The following VWA3B variants were observed in gnomAD, a reference collection of about 807,000 sequenced individuals.
VWA3B encodes von Willebrand factor A domain-containing protein 3B.
Under a neutral mutation model 158.3 loss-of-function variants are expected in VWA3B, and 138 were observed. That is an observed-to-expected ratio of 0.87 (90% confidence interval 0.76 to 1.00). The LOEUF is 1.00. Among genes scored for constraint, VWA3B ranks in the 50% least tolerant of loss-of-function variants. VWA3B has a pLI of 0.00. For missense variants in VWA3B, 1,555 were observed against 1,565.1 expected (o/e 0.99, Z 0.11); for synonymous variants, 596 against 587.3 (o/e 1.01, Z -0.21).
At chr2:98,318,777 G>A in the VWA3B span, among the ~76,000 whole-genome samples, 1 of 152,028 alleles carries the variant, frequency 6.6e-6, no homozygotes, top group Non-Finnish European at 1.5e-5. Flanking sequence ...AATGGACTAG[G>A]TGTCCAAAAA....
chr2:98,255,174 C>T (rs1247193650), intron 20 of VWA3B, among the ~76,000 whole-genome samples: 6 of 128,238 alleles, frequency 4.7e-5, no homozygotes, highest in African/African-American at 1.3e-4. Context: ...CCACCACGCC[C>T]GGCTGATATT....
chr2:98,225,569 C>A (rs1366295885), intron 14 of VWA3B, among the ~76,000 whole-genome samples: 1 of 152,038 alleles, frequency 6.6e-6, no homozygotes, highest in Non-Finnish European at 1.5e-5. Context: ...CGCTGTGATT[C>A]AACATACTAC....
At chr2:98,181,234 G>A (rs745460137) in intron 9 of VWA3B, 22 bp downstream of exon 9, 3 of 1,609,214 alleles carry the variant, frequency 1.9e-6, no homozygotes, top group South Asian at 2.2e-5. Flanking sequence ...GCACTCCTGG[G>A]AGGGGCTGGG....
At chr2:98,303,665 G>C (rs749573664) in intron 25 of VWA3B, 37 bp from the exon 26 acceptor site, 1 of 1,584,194 alleles carries the variant, frequency 6.3e-7, no homozygotes, top group Non-Finnish European at 8.7e-7. Flanking sequence ...GGACATTTCT[G>C]ATTTAAGTTG....
chr2:98,119,765 T>C lies in VWA3B; in HGVS notation c.542+2T>C. 6.2e-7 allele frequency: 1 copy of C among 1,613,014 alleles called. No homozygotes were observed. Among genetic ancestry groups the C allele is most frequent in the Non-Finnish European group, 8.5e-7 (1 of 1,179,176 alleles). ...CATAACCGAGTTCAATATCATACGG[T>C]GAGTTCCCATAGGAAGGGAGTATTT... On this transcript the variant is annotated splice_donor_variant, in intron 4 of 27. Transcript: ENST00000477737. LOFTEE classifies it high-confidence loss of function.
chr2:98,223,973 C>T (rs1684714037), intron 14 of VWA3B, among the ~76,000 whole-genome samples: 1 of 152,202 alleles, frequency 6.6e-6, no homozygotes, highest in South Asian at 2.1e-4. Context: ...AGCAGTCCTC[C>T]TGCCTCAGCC....
chr2:98,256,057 G>T (rs1349586431), intron 20 of VWA3B, 67 bp from the exon 21 acceptor site: 12 of 1,583,600 alleles, frequency 7.6e-6, no homozygotes, highest in Non-Finnish European at 9.5e-6. Flanking sequence ...GCGGTGCCTG[G>T]GGTTAACCTT....
At chr2:98,213,315 A>G (rs1458497672) in intron 13 of VWA3B, among the ~76,000 whole-genome samples, 1 of 152,200 alleles carries the variant, frequency 6.6e-6, no homozygotes, top group Non-Finnish European at 1.5e-5. Context: ...CACCACAGAG[A>G]GGAACTCTCG....
intron 21 of VWA3B, among the ~76,000 whole-genome samples, chr2:98,256,919 A>G (rs1229413267): frequency 6.6e-6 from 1 of 152,186 alleles, no homozygotes; most frequent in African/African-American, 2.4e-5. Context: ...CTATCACCTC[A>G]AACATTTATT....
At chr2:98,179,522 G>A (rs556472633) in intron 8 of VWA3B, among the ~76,000 whole-genome samples, 7 of 152,154 alleles carry the variant, frequency 4.6e-5, no homozygotes, top group Non-Finnish European at 1.0e-4. Flanking sequence ...ACTCACCAAG[G>A]TAACAAAGGG....
At chr2:98,179,808 TTC>T (rs1491059739) in intron 8 of VWA3B, among the ~76,000 whole-genome samples, 137 of 142,764 alleles carry the variant, frequency 9.6e-4, no homozygotes, top group African/African-American at 3.3e-3. Flanking sequence ...CTTTCTTTCT[TTC>T]TTTCTTTCTT....
intron 14 of VWA3B, among the ~76,000 whole-genome samples, chr2:98,223,920 G>T (rs1006353399): frequency 6.6e-6 from 1 of 151,956 alleles, no homozygotes; most frequent in Non-Finnish European, 1.5e-5. Flanking sequence ...TAGAGATAGG[G>T]TCACACTATG....
chr2:98,123,759 C>A (rs989642590), intron 5 of VWA3B, among the ~76,000 whole-genome samples: 14 of 152,110 alleles, frequency 9.2e-5, no homozygotes, highest in African/African-American at 3.1e-4. Context: ...CTTCAGTAGC[C>A]CTGGTCCAGG....
rs56961652 is a variant in VWA3B, at chr2:98,168,409, A to AC, written c.1114+5433_1114+5434insC. ...CACACACACACACACACACACACACAAACTAAAACCCAAAATAACTCTAAG... is the reference window on the plus strand; with the variant it reads ...CACACACACACACACACACACACACACAACTAAAACCCAAAATAACTCTAAG... On this transcript the variant is annotated intron_variant, in intron 8 of 27. Transcript: ENST00000477737. 2.0e-5 allele frequency among the ~76,000 whole-genome samples: 3 copies of AC among 151,502 alleles called. No individual in the cohort carries two copies. In the East Asian group the frequency reaches 5.8e-4, roughly 29 times the overall value.
In VWA3B at chr2:98,312,042, A is replaced by AT; in HGVS notation, c.3735+11dup. The AT allele has an allele frequency of 1.9e-6, 3 of 1,592,084 alleles. No individual in the cohort carries two copies. The highest frequency in any genetic ancestry group is 1.7e-6 in the Non-Finnish European group (2 of 1,168,862). ...ACACCCCGAGCCCAGGGTTTGGGTG[A>AT]TGGGGGGGGAACACAACATCGCTTA... On this transcript the variant is annotated intron_variant, in intron 27 of 27. Coordinates refer to ENST00000477737, the MANE Select transcript of VWA3B (RefSeq NM_144992.5).
intron 11 of VWA3B, among the ~76,000 whole-genome samples, chr2:98,193,750 C>T (rs559796835): frequency 1.5e-4 from 23 of 152,148 alleles, no homozygotes; most frequent in Admixed American, 3.3e-4. Context: ...CCACCACGCC[C>T]GGCTAATTTT....
chr2:98,149,627 C>T (rs533194382), intron 7 of VWA3B, among the ~76,000 whole-genome samples: 7 of 152,156 alleles, frequency 4.6e-5, no homozygotes, highest in Non-Finnish European at 7.4e-5. Context: ...ATTTTCCATC[C>T]GCCAGGCAAA....
At chr2:98,216,990 C>CCCCT (rs760409837) in intron 13 of VWA3B, 14 of 1,208,910 alleles carry the variant, frequency 1.2e-5, no homozygotes, top group African/African-American at 3.1e-5. Context: ...GCACCCGCCC[C>CCCCT]GCACCCAGTC....
chr2:98,287,270 T>C (rs1252107223), intron 22 of VWA3B, among the ~76,000 whole-genome samples: 2 of 152,124 alleles, frequency 1.3e-5, no homozygotes, highest in African/African-American at 4.8e-5. Context: ...GAACAAATGG[T>C]AAACCCACCA....
Sources: allele counts gnomAD v4.1 joint callset (sites outside exome capture counted in the v4.1 genomes callset), GRCh38; gene constraint gnomAD v4.1.1; transcripts MANE v1.5; gene names NCBI Gene and HGNC (gene_info 2026-07-23, HGNC 2026-07-21).